ELAVL4: variants seen among roughly 807,000 people sequenced by gnomAD.
ELAVL4 encodes the protein ELAV-like protein 4.
In ELAVL4, 1 loss-of-function variant was observed where a neutral mutation model predicts 35.6. The observed-to-expected ratio is 0.03, with a 90% CI of 0.01 to 0.13. The LOEUF is 0.13. Among genes scored for constraint, ELAVL4 ranks in the 10% least tolerant of loss-of-function variants. ELAVL4 has a pLI of 1.00. For missense variants in ELAVL4, 267 were observed against 464.9 expected (o/e 0.57, Z 3.91); for synonymous variants, 156 against 171.0 (o/e 0.91, Z 0.69).
At chr1:50,109,814 C>T (rs1194687905) in intron 1 of ELAVL4, 8 of 1,176,524 alleles carry the variant, frequency 6.8e-6, no homozygotes, top group Non-Finnish European at 9.9e-6. Context: ...TGTAGCAGTG[C>T]CTGGCGTGTT....
At chr1:50,078,142 GTA>G (rs764094104) in intron 1 of ELAVL4, among the ~76,000 whole-genome samples, 2,334 of 145,470 alleles carry the variant, frequency 0.016, 30 homozygotes, top group Middle Eastern at 0.024. Flanking sequence ...GTGTGTGTGT[GTA>G]TATAGTATTT....
intron 3 of ELAVL4, among the ~76,000 whole-genome samples, chr1:50,183,954 G>GTGGT (rs2148852053): frequency 6.6e-6 from 1 of 152,218 alleles, no homozygotes; most frequent in East Asian, 1.9e-4. Flanking sequence ...CACAACCTGG[G>GTGGT]CGAGAATGCT....
intron 1 of ELAVL4, among the ~76,000 whole-genome samples, chr1:50,133,627 G>GAAAGAAAGAA (rs1258801369): frequency 6.7e-6 from 1 of 149,002 alleles, no homozygotes; most frequent in Non-Finnish European, 1.5e-5. Flanking sequence ...AAGAAAGAAA[G>GAAAGAAAGAA]AAAGAAAGAA....
intron 2 of ELAVL4, among the ~76,000 whole-genome samples, chr1:50,171,202 C>T (rs1022286579): frequency 1.3e-5 from 2 of 152,112 alleles, no homozygotes; most frequent in Non-Finnish European, 2.9e-5. Context: ...ATCATAGGTG[C>T]TCCAGAACCC....
intron 1 of ELAVL4, among the ~76,000 whole-genome samples, chr1:50,130,026 C>T (rs1296409296): frequency 1.3e-5 from 2 of 152,124 alleles, no homozygotes; most frequent in African/African-American, 4.8e-5. Context: ...AAACCAAGGT[C>T]AAGGCTGGTG....
At chr1:50,129,499 G>T (rs534916798) in intron 1 of ELAVL4, among the ~76,000 whole-genome samples, 2 of 152,214 alleles carry the variant, frequency 1.3e-5, no homozygotes, top group South Asian at 4.1e-4. Flanking sequence ...CCTCACTTGG[G>T]CCATTCACAG....
intron 1 of ELAVL4, among the ~76,000 whole-genome samples, chr1:50,114,254 A>G (rs974497484): frequency 6.6e-6 from 1 of 152,056 alleles, no homozygotes; most frequent in African/African-American, 2.4e-5. Context: ...GGCGGTGGGC[A>G]GGATGTTTTT....
At chr1:50,056,729 C>T (rs542328118) in intron 1 of ELAVL4, among the ~76,000 whole-genome samples, 8 of 152,224 alleles carry the variant, frequency 5.3e-5, no homozygotes, top group South Asian at 2.1e-4. Context: ...GAGGTCAGAT[C>T]GAGACCATCC....
intron 1 of ELAVL4, among the ~76,000 whole-genome samples, chr1:50,092,639 C>G (rs1177460096): frequency 6.6e-6 from 1 of 152,148 alleles, no homozygotes; most frequent in Non-Finnish European, 1.5e-5. Flanking sequence ...GGCGTGGGCT[C>G]CCTAGTCTGA....
At chr1:50,183,779 C>T (rs189429362) in intron 3 of ELAVL4, among the ~76,000 whole-genome samples, 111 of 152,276 alleles carry the variant, frequency 7.3e-4, no homozygotes, top group African/African-American at 2.3e-3. Context: ...TCTTTGCATT[C>T]GGCATAAGCA....
chr1:50,156,086 C>T (rs1048539933), intron 2 of ELAVL4, among the ~76,000 whole-genome samples: 14 of 152,112 alleles, frequency 9.2e-5, no homozygotes, highest in African/African-American at 2.7e-4. Context: ...CATGTGCGCA[C>T]GCAGGCACAC....
chr1:50,133,595 AAAGAAAAGAAAGAAAGAAAGAAAGAAAG>A (rs1671246512), intron 1 of ELAVL4, among the ~76,000 whole-genome samples: 2 of 129,372 alleles, frequency 1.5e-5, no homozygotes, highest in African/African-American at 3.0e-5. Context: ...AGAAAGAAAG[AAAGAAAAGAAAGAAAGAAAGAAAGAAAG>A]AAAGAAAGAA....
At chr1:50,048,240 A>C (rs1663171085) in intron 1 of ELAVL4, 2 of 1,454,282 alleles carry the variant, frequency 1.4e-6, no homozygotes, top group Non-Finnish European at 1.8e-6. Context: ...TCTGTTACGG[A>C]CACCCGCTGG....
At chr1:50,059,660 A>T (rs1663858358) in intron 1 of ELAVL4, among the ~76,000 whole-genome samples, 1 of 152,204 alleles carries the variant, frequency 6.6e-6, no homozygotes, top group Non-Finnish European at 1.5e-5. Context: ...AAGTACACAC[A>T]TGTTCATAGA....
intron 1 of ELAVL4, among the ~76,000 whole-genome samples, chr1:50,051,010 A>G (rs1663341123): frequency 6.6e-6 from 1 of 152,182 alleles, no homozygotes; most frequent in Admixed American, 6.5e-5. Flanking sequence ...AGATTATAAT[A>G]TCAATCTATC....
intron 2 of ELAVL4, among the ~76,000 whole-genome samples, chr1:50,173,668 T>C (rs3119166): frequency 0.95 from 144,449 of 152,268 alleles, 68,997 homozygotes; most frequent in East Asian, 1. Flanking sequence ...ATTCAATAAA[T>C]GTAACTTTGA....
chr1:50,175,191 G>A (rs1219199277), intron 2 of ELAVL4, among the ~76,000 whole-genome samples: 1 of 152,122 alleles, frequency 6.6e-6, no homozygotes, highest in Admixed American at 6.5e-5. Context: ...AAATATGACT[G>A]AGAAATTTGC....
chr1:50,068,744 C>T (rs936004585), intron 1 of ELAVL4, among the ~76,000 whole-genome samples: 12 of 152,116 alleles, frequency 7.9e-5, no homozygotes, highest in Non-Finnish European at 1.5e-4. Flanking sequence ...GTGAAATATA[C>T]GGATAAGTTA....
At chr1:50,183,702 C>T (rs1377911182) in intron 3 of ELAVL4, among the ~76,000 whole-genome samples, 2 of 152,144 alleles carry the variant, frequency 1.3e-5, no homozygotes, top group African/African-American at 2.4e-5. Context: ...CAGGGAGCTG[C>T]GCCTCCCCCT....
Sources: allele counts gnomAD v4.1 joint callset (sites outside exome capture counted in the v4.1 genomes callset), GRCh38; gene constraint gnomAD v4.1.1; transcripts MANE v1.5; gene names NCBI Gene and HGNC (gene_info 2026-07-23, HGNC 2026-07-21).